Variants in ZDHHC2 observed in about 807,000 individuals in gnomAD.
The protein encoded by ZDHHC2 is palmitoyltransferase ZDHHC2.
ZDHHC2 carries 51 observed loss-of-function variants against 55.6 expected under a neutral mutation model. The ratio of observed to expected loss-of-function variants is 0.92; its 90% confidence interval spans 0.73 to 1.16. The LOEUF is 1.16. Ranked by LOEUF, ZDHHC2 falls within the 50% of genes most tolerant of loss-of-function variation. The pLI is 0.00. For synonymous variants in ZDHHC2, 199 were observed against 152.9 expected (o/e 1.30, Z -2.22); for missense variants, 491 against 442.4 (o/e 1.11, Z -0.99).
At chr8:17,176,761 G>C (rs993091797) in intron 1 of ZDHHC2, among the ~76,000 whole-genome samples, 3 of 151,826 alleles carry the variant, frequency 2.0e-5, no homozygotes, top group Non-Finnish European at 2.9e-5. Flanking sequence ...AGTTTGGAGA[G>C]AAAGGCAGGC....
intron 12 of ZDHHC2, among the ~76,000 whole-genome samples, chr8:17,218,844 A>G (rs994953509): frequency 2.0e-5 from 3 of 152,200 alleles, no homozygotes; most frequent in Non-Finnish European, 2.9e-5. Context: ...GCTAATAGAA[A>G]CTAGACTTTT....
intron 1 of ZDHHC2, among the ~76,000 whole-genome samples, chr8:17,179,225 T>G (rs1238578484): frequency 6.6e-6 from 1 of 152,098 alleles, no homozygotes; most frequent in East Asian, 1.9e-4. Flanking sequence ...AGTGCTGGGA[T>G]TAGAGGTTTG....
Position 17,184,771 on chromosome 8 carries a change from C to CT in ZDHHC2, c.131-11dup, listed in dbSNP as rs759932776. ...CCATAAGCTTCATGTAACCTATTAC[C>CT]TTTTTTTCTCTTTACAGTGTCCATG... On this transcript the variant is annotated splice_polypyrimidine_tract_variant and intron_variant, in intron 1 of 12. Coordinates refer to ENST00000262096, the MANE Select transcript of ZDHHC2 (RefSeq NM_016353.5). 5 of 1,548,234 alleles carry CT rather than the reference C, an allele frequency of 3.2e-6. No individual in the cohort carries two copies. The highest frequency in any genetic ancestry group is 1.2e-5 in the South Asian group (1 of 83,174).
At position 17,206,075 on chromosome 8, in the gene ZDHHC2, A is replaced by G. The variant is rs529958146; in HGVS notation, c.597+300A>G. Among the ~76,000 whole-genome samples the G allele has an allele frequency of 7.9e-5, 12 of 152,302 alleles. No homozygotes were observed. In the South Asian group the frequency reaches 2.5e-3, roughly 32 times the overall value. ...GACGATGCTTTTGCCTTCTTGCTTC[A>G]GCTCTCATACTATAAACAAGTGTGC... On this transcript the variant is annotated intron_variant, in intron 7 of 12. Coordinates refer to ENST00000262096, the MANE Select transcript of ZDHHC2 (RefSeq NM_016353.5).
intron 4 of ZDHHC2, among the ~76,000 whole-genome samples, chr8:17,196,277 A>G (rs115901033): frequency 0.032 from 4,862 of 152,208 alleles, 107 homozygotes; most frequent in Middle Eastern, 0.065. Flanking sequence ...CCATTATGGT[A>G]GCCGCTAGCC....
chr8:17,194,079 C>T (rs1806181568), intron 3 of ZDHHC2, among the ~76,000 whole-genome samples: 1 of 152,106 alleles, frequency 6.6e-6, no homozygotes. Context: ...CATCCACGTC[C>T]CTGCAAAGGA....
intron 3 of ZDHHC2, among the ~76,000 whole-genome samples, chr8:17,186,878 C>T (rs1805739617): frequency 6.6e-6 from 1 of 152,194 alleles, no homozygotes; most frequent in Admixed American, 6.5e-5. Flanking sequence ...TGCCCACACT[C>T]CTTCTATCTT....
At chr8:17,212,461 C>G (rs2150947018) in intron 10 of ZDHHC2, among the ~76,000 whole-genome samples, 1 of 152,254 alleles carries the variant, frequency 6.6e-6, no homozygotes, top group Non-Finnish European at 1.5e-5. Context: ...TGGGGTCATC[C>G]TGGATTCCTC....
intron 10 of ZDHHC2, among the ~76,000 whole-genome samples, chr8:17,213,081 G>A (rs1187684946): frequency 6.6e-6 from 1 of 151,970 alleles, no homozygotes; most frequent in Non-Finnish European, 1.5e-5. Context: ...CTTATGTAGT[G>A]CCTTGTCCTT....
chr8:17,177,756 G>A (rs1805220404), intron 1 of ZDHHC2, among the ~76,000 whole-genome samples: 1 of 150,362 alleles, frequency 6.7e-6, no homozygotes, highest in Non-Finnish European at 1.5e-5. Flanking sequence ...GGGTGTTTGT[G>A]TGTGTGTGTG....
At chr8:17,195,411 T>C in intron 3 of ZDHHC2, 93 bp from the exon 4 acceptor site, 4 of 1,395,468 alleles carry the variant, frequency 2.9e-6, no homozygotes, top group Non-Finnish European at 3.9e-6. Flanking sequence ...ACCATTAATA[T>C]TTTATAAATA....
At chr8:17,195,468 T>G in intron 3 of ZDHHC2, 36 bp from the exon 4 acceptor site, 1 of 1,582,996 alleles carries the variant, frequency 6.3e-7, no homozygotes, top group South Asian at 1.1e-5. Context: ...ATAATTTCTT[T>G]GAAAATACTG....
intron 1 of ZDHHC2, among the ~76,000 whole-genome samples, chr8:17,163,625 A>G (rs755019450): frequency 2.0e-5 from 3 of 152,286 alleles, no homozygotes; most frequent in Non-Finnish European, 2.9e-5. Flanking sequence ...TGACAGTTGT[A>G]TCATATCACC....
At position 17,173,395 on chromosome 8, in the gene ZDHHC2, G is replaced by T. The variant is rs553639821; in HGVS notation, c.131-11394G>T. 8.6e-4 allele frequency among the ~76,000 whole-genome samples: 131 copies of T among 152,280 alleles called. 1 individual carries two copies. The highest frequency in any genetic ancestry group is 2.4e-3 in the African/African-American group (99 of 41,566). On this transcript the variant is annotated intron_variant, in intron 1 of 12. Coordinates refer to ENST00000262096, the MANE Select transcript of ZDHHC2 (RefSeq NM_016353.5). ...CAACATTCAAAGAATTGAGCACAAG[G>T]CCGGGTGCGGTGGCTCATGCCTGTC... is the stretch of plus-strand genomic sequence containing the variant.
Position 17,208,082 on chromosome 8 carries a change from A to G in ZDHHC2, c.720A>G (p.Lys240=), listed in dbSNP as rs747494939. 3 of 1,572,080 alleles carry G rather than the reference A, an allele frequency of 1.9e-6. No homozygotes were observed. The highest frequency in any genetic ancestry group is 2.6e-6 in the Non-Finnish European group (3 of 1,156,954). The change falls in exon 8 of 13, where the codon AAA becomes AAG. Residue 240 remains lysine (K), a synonymous_variant. Transcript: ENST00000262096. ...ATTGTTGGCTAGTCAGCAAAAATAAATCTACATTAGGTGAGTATCCAATTA... is the reference window on the plus strand; with the variant it reads ...ATTGTTGGCTAGTCAGCAAAAATAAGTCTACATTAGGTGAGTATCCAATTA... ...GYHCWLVSKN[K]STLEAFRSPV... is the part of the protein sequence containing the mutation.
intron 11 of ZDHHC2, among the ~76,000 whole-genome samples, chr8:17,216,024 A>G (rs945898137): frequency 6.6e-5 from 10 of 152,140 alleles, no homozygotes; most frequent in Non-Finnish European, 1.3e-4. Flanking sequence ...CTATTTCTCA[A>G]TATTGATAAG....
rs774799072 is a variant in ZDHHC2, at chr8:17,156,810, G to T, written c.87G>T (p.Leu29=). The change falls in exon 1 of 13, where the codon CTG becomes CTT. Residue 29 remains leucine, a synonymous_variant. Coordinates refer to ENST00000262096, the MANE Select transcript of ZDHHC2 (RefSeq NM_016353.5). ...TCCCGGTGGTGTTCATCACCCTCCT[G>T]CTCGGCTGGTCCTACTACGCCTACG... ...YWIPVVFITL[L]LGWSYYAYAI... 1 of 1,522,018 alleles carries T rather than the reference G, an allele frequency of 6.6e-7. No individual in the cohort carries two copies. Among genetic ancestry groups the T allele is most frequent in the Admixed American group, 2.1e-5 (1 of 48,136 alleles). 94.3% of individuals were successfully genotyped at this position (1,522,018 alleles called of 1,614,324 possible).
At chr8:17,200,047 G>T (rs1806666795) in intron 6 of ZDHHC2, among the ~76,000 whole-genome samples, 1 of 152,138 alleles carries the variant, frequency 6.6e-6, no homozygotes, top group African/African-American at 2.4e-5. Context: ...GAGCCACCAT[G>T]CCTGGCCAAC....
At position 17,220,554 on chromosome 8, in the gene ZDHHC2, T is replaced by C. The variant is rs1362413155; in HGVS notation, c.*333T>C. On this transcript the variant is annotated 3_prime_UTR_variant, in exon 13 of 13. Coordinates refer to ENST00000262096, the MANE Select transcript of ZDHHC2 (RefSeq NM_016353.5). ...CCAAATATATGGGTAGCACAGTTTA[T>C]CACATAGAAACTCCATTAATCATCT... The C allele has an allele frequency of 6.6e-6, 1 of 152,188 alleles. No individual in the cohort carries two copies. The highest frequency in any genetic ancestry group is 6.5e-5 in the Admixed American group (1 of 15,272). 9.4% of individuals were successfully genotyped at this position (152,188 alleles called of 1,614,324 possible).
Sources: allele counts gnomAD v4.1 joint callset (sites outside exome capture counted in the v4.1 genomes callset), GRCh38; gene constraint gnomAD v4.1.1; transcripts MANE v1.5; gene names NCBI Gene and HGNC (gene_info 2026-07-23, HGNC 2026-07-21).